Variants in GABRB3 observed in about 807,000 individuals in gnomAD.
The protein encoded by GABRB3 is gamma-aminobutyric acid receptor subunit beta-3.
Under a neutral mutation model 52.1 loss-of-function variants are expected in GABRB3, and 14 were observed. The ratio of observed to expected loss-of-function variants is 0.27; its 90% confidence interval spans 0.18 to 0.42. The LOEUF (loss-of-function observed/expected upper bound fraction) is 0.42, where lower values mean the gene tolerates loss of function less well. Ranked by LOEUF, GABRB3 falls within the 10% of genes least tolerant of loss-of-function variation. The pLI is 1.00. For missense variants in GABRB3, 307 were observed against 609.1 expected (o/e 0.50, Z 5.22); for synonymous variants, 260 against 232.3 (o/e 1.12, Z -1.08).
chr15:26,663,393 C>T (rs1288145061), intron 3 of GABRB3, among the ~76,000 whole-genome samples: 4 of 152,148 alleles, frequency 2.6e-5, no homozygotes, highest in Non-Finnish European at 5.9e-5. Flanking sequence ...TTTGGTATCA[C>T]GAATTTCATG....
intron 4 of GABRB3, among the ~76,000 whole-genome samples, chr15:26,595,047 A>G (rs779291626): frequency 4.6e-5 from 7 of 152,182 alleles, no homozygotes; most frequent in Non-Finnish European, 1.0e-4. Flanking sequence ...AAGTACTTCT[A>G]CATATGTGGC....
intron 4 of GABRB3, among the ~76,000 whole-genome samples, chr15:26,620,414 C>T (rs1161359160): frequency 6.6e-6 from 1 of 152,122 alleles, no homozygotes; most frequent in Non-Finnish European, 1.5e-5. Flanking sequence ...TCGCTTATAG[C>T]TGTTAAAGTC....
At chr15:26,568,300 AG>A (rs1890255973) in intron 6 of GABRB3, among the ~76,000 whole-genome samples, 2 of 152,092 alleles carry the variant, frequency 1.3e-5, no homozygotes, top group Non-Finnish European at 2.9e-5. Context: ...GCCACAGAAG[AG>A]GCATTAACGA....
intron 3 of GABRB3, among the ~76,000 whole-genome samples, chr15:26,639,372 T>C (rs975663653): frequency 1.3e-5 from 2 of 151,758 alleles, no homozygotes; most frequent in Non-Finnish European, 2.9e-5. Context: ...GTTATGTCTG[T>C]ACCAAACAGG....
intron 6 of GABRB3, among the ~76,000 whole-genome samples, chr15:26,573,244 T>A (rs1890472749): frequency 2.6e-5 from 4 of 152,242 alleles, no homozygotes; most frequent in Admixed American, 2.0e-4. Context: ...GCTATATGAT[T>A]CATTTATTAT....
chr15:26,773,556 A>C, upstream of GABRB3: 6 of 1,022,250 alleles, frequency 5.9e-6, no homozygotes, highest in Non-Finnish European at 8.7e-6. Context: ...GCAGCCCGAG[A>C]GCCCCCGGGT....
intron 3 of GABRB3, among the ~76,000 whole-genome samples, chr15:26,680,718 G>A (rs1441421136): frequency 1.3e-5 from 2 of 152,062 alleles, no homozygotes; most frequent in Admixed American, 1.3e-4. Flanking sequence ...CCATAGAATT[G>A]GATATGAGAA....
chr15:26,577,341 C>T (rs575608647), intron 6 of GABRB3, among the ~76,000 whole-genome samples: 28 of 152,070 alleles, frequency 1.8e-4, no homozygotes, highest in Admixed American at 1.4e-3. Flanking sequence ...AGCGAAACCC[C>T]GTCTCTACTA....
intron 3 of GABRB3, among the ~76,000 whole-genome samples, chr15:26,622,352 G>T (rs772347229): frequency 6.7e-6 from 1 of 149,896 alleles, no homozygotes; most frequent in African/African-American, 2.4e-5. Context: ...AGACATGGCA[G>T]AACAAAAGAA....
At chr15:26,682,045 T>A (rs1888256145) in intron 3 of GABRB3, among the ~76,000 whole-genome samples, 1 of 152,184 alleles carries the variant, frequency 6.6e-6, no homozygotes, top group African/African-American at 2.4e-5. Context: ...GTCTTTTCAT[T>A]TTATTTTATT....
At chr15:26,581,019 T>C in intron 5 of GABRB3, 1 of 259,814 alleles carries the variant, frequency 3.8e-6, no homozygotes, top group South Asian at 4.8e-5. Context: ...ATGCCTGTTC[T>C]TGGGATATTC....
intron 3 of GABRB3, among the ~76,000 whole-genome samples, chr15:26,770,003 C>T (rs1164762885): frequency 6.6e-6 from 1 of 152,206 alleles, no homozygotes; most frequent in Non-Finnish European, 1.5e-5. Context: ...TGAGTGGCAG[C>T]TCTAATCCTA....
intron 3 of GABRB3, among the ~76,000 whole-genome samples, chr15:26,653,327 G>A (rs529708856): frequency 1.3e-5 from 2 of 152,234 alleles, no homozygotes; most frequent in Admixed American, 6.5e-5. Flanking sequence ...ACCTAAGATT[G>A]GTGTTCAAGG....
At chr15:26,673,752 C>T (rs1799314086) in intron 3 of GABRB3, among the ~76,000 whole-genome samples, 1 of 152,160 alleles carries the variant, frequency 6.6e-6, no homozygotes, top group African/African-American at 2.4e-5. Flanking sequence ...ATGCCCATCA[C>T]GCATAAATCT....
At chr15:26,562,222 G>A (rs545952346) in intron 7 of GABRB3, among the ~76,000 whole-genome samples, 2 of 152,330 alleles carry the variant, frequency 1.3e-5, no homozygotes, top group African/African-American at 2.4e-5. Context: ...TGGGATGGTA[G>A]TACTGCAGCT....
intron 4 of GABRB3, chr15:26,615,055 A>G (rs1323378538): frequency 6.5e-6 from 1 of 152,984 alleles, no homozygotes; most frequent in African/African-American, 2.4e-5. Flanking sequence ...AGAAAAGACC[A>G]CATTACAAAG....
At chr15:26,640,080 G>A (rs1167578791) in intron 3 of GABRB3, among the ~76,000 whole-genome samples, 1 of 152,208 alleles carries the variant, frequency 6.6e-6, no homozygotes, top group Non-Finnish European at 1.5e-5. Context: ...ACAAGCTGTA[G>A]TCCTGTTAAA....
At chr15:26,579,333 C>A (rs1890705761) in intron 6 of GABRB3, among the ~76,000 whole-genome samples, 1 of 152,182 alleles carries the variant, frequency 6.6e-6, no homozygotes, top group Non-Finnish European at 1.5e-5. Context: ...ACCCCAGCCA[C>A]TTAATCCAGC....
At chr15:26,715,168 A>C (rs548249611) in intron 3 of GABRB3, among the ~76,000 whole-genome samples, 2 of 152,326 alleles carry the variant, frequency 1.3e-5, no homozygotes, top group African/African-American at 4.8e-5. Context: ...AGTCTCTCTC[A>C]CCAGGACCAG....
Sources: gnomAD v4.1 joint callset for allele counts (sites outside exome capture counted in the v4.1 genomes callset) on GRCh38, gnomAD v4.1.1 for gene constraint, MANE v1.5 for transcripts, NCBI Gene and HGNC (gene_info 2026-07-23, HGNC 2026-07-21) for gene names.